Variants in ENPP2 observed in about 807,000 individuals in gnomAD.
The protein encoded by ENPP2 is autotaxin.
ENPP2 carries 51 observed loss-of-function variants against 120.2 expected under a neutral mutation model. The ratio of observed to expected loss-of-function variants is 0.42; its 90% CI spans 0.34 to 0.54. The LOEUF (loss-of-function observed/expected upper bound fraction) is 0.54, where lower values mean the gene tolerates loss of function less well. ENPP2 is among the 20% of genes least tolerant of loss of function. ENPP2 has a pLI of 0.04. For synonymous variants in ENPP2, 365 were observed against 366.4 expected (o/e 1.00, Z 0.04); for missense variants, 920 against 1,066.5 (o/e 0.86, Z 1.91).
intron 1 of ENPP2, among the ~76,000 whole-genome samples, chr8:119,646,331 G>A (rs983097450): frequency 6.6e-6 from 1 of 152,068 alleles, no homozygotes; most frequent in Non-Finnish European, 1.5e-5. Flanking sequence ...TCAAAGTATG[G>A]TCCCTGGATG....
chr8:119,579,128 A>T (rs960923460), intron 19 of ENPP2, among the ~76,000 whole-genome samples: 2 of 152,148 alleles, frequency 1.3e-5, no homozygotes, highest in Non-Finnish European at 2.9e-5. Context: ...CTTTAGTAAC[A>T]TGTATAGGAG....
chr8:119,594,948 T>C (rs552145010), intron 11 of ENPP2, among the ~76,000 whole-genome samples: 1 of 152,348 alleles, frequency 6.6e-6, no homozygotes, highest in Admixed American at 6.5e-5. Context: ...TTTGTTTTTT[T>C]CTTCATGACG....
At chr8:119,660,939 T>G (rs1180606723) in intron 1 of ENPP2, among the ~76,000 whole-genome samples, 3 of 152,120 alleles carry the variant, frequency 2.0e-5, no homozygotes, top group Non-Finnish European at 4.4e-5. Flanking sequence ...CAAGGAAATA[T>G]TCACAGAAAA....
At chr8:119,630,083 C>T (rs143172330) in intron 2 of ENPP2, among the ~76,000 whole-genome samples, 71 of 152,122 alleles carry the variant, frequency 4.7e-4, no homozygotes, top group African/African-American at 1.5e-3. Flanking sequence ...GCCTTGCTTT[C>T]CTTCATCATC....
At chr8:119,605,861 C>G (rs987063948) in intron 9 of ENPP2, among the ~76,000 whole-genome samples, 4 of 152,102 alleles carry the variant, frequency 2.6e-5, no homozygotes, top group Non-Finnish European at 5.9e-5. Context: ...AGCAGCCAAG[C>G]TGGGATGAGA....
At chr8:119,614,599 A>G (rs900964380) in intron 8 of ENPP2, among the ~76,000 whole-genome samples, 21 of 152,200 alleles carry the variant, frequency 1.4e-4, no homozygotes, top group Admixed American at 9.8e-4. Flanking sequence ...ATGTGGCCTC[A>G]TCTTCTTCTG....
At chr8:119,636,258 T>C (rs1816993904) in intron 2 of ENPP2, among the ~76,000 whole-genome samples, 1 of 152,224 alleles carries the variant, frequency 6.6e-6, no homozygotes, top group Non-Finnish European at 1.5e-5. Flanking sequence ...TCTAAGCATA[T>C]GCAGCATTTA....
At position 119,583,963 on chromosome 8, in the gene ENPP2, T is replaced by C. The variant is rs369132467; in HGVS notation, c.1454A>G (p.Gln485Arg). 47 of 1,610,458 alleles carry C rather than the reference T, an allele frequency of 2.9e-5. No individual in the cohort carries two copies. Among genetic ancestry groups the C allele is most frequent in the Non-Finnish European group, 2.4e-5 (28 of 1,176,778 alleles). Residue 485 changes from glutamine to arginine, a missense_variant and splice_region_variant, in exon 16 of 25, where the codon CAG becomes CGG. Coordinates refer to ENST00000075322, the MANE Select transcript of ENPP2 (RefSeq NM_001040092.3). ...CAATTCACAGTTCTGCCATCATACCTGCATGCTGTTGACCTTGTTATCAAA... is the reference window on the plus strand; with the variant it reads ...CAATTCACAGTTCTGCCATCATACCCGCATGCTGTTGACCTTGTTATCAAA... ...HGFDNKVNSMQTVFVGYGSTF... is the reference protein window; with the variant it reads ...HGFDNKVNSMRTVFVGYGSTF...
Position 119,562,838 on chromosome 8 carries a change from A to G in ENPP2, c.2421+19T>C. ...GAACTATGGAAGCAAATCCTAAAGG[A>G]CTCTCTCTGTAAACTCACATTGCAG... On this transcript the variant is annotated intron_variant, in intron 24 of 24. Transcript: ENST00000075322. The G allele has an allele frequency of 1.9e-6, 3 of 1,610,722 alleles. No homozygotes were observed. The highest frequency in any genetic ancestry group is 2.5e-6 in the Non-Finnish European group (3 of 1,178,116).
At chr8:119,603,696 T>C (rs906196935) in intron 9 of ENPP2, among the ~76,000 whole-genome samples, 1 of 152,220 alleles carries the variant, frequency 6.6e-6, no homozygotes, top group African/African-American at 2.4e-5. Context: ...TTAGCTTTTA[T>C]TGTTATATAC....
intron 18 of ENPP2, among the ~76,000 whole-genome samples, chr8:119,581,589 A>C (rs964813397): frequency 6.6e-6 from 1 of 152,068 alleles, no homozygotes; most frequent in Non-Finnish European, 1.5e-5. Context: ...TTGTCTCTCC[A>C]TGTTTTGGAA....
chr8:119,615,765 C>T (rs948621270), intron 8 of ENPP2, among the ~76,000 whole-genome samples: 3 of 152,104 alleles, frequency 2.0e-5, no homozygotes, highest in Admixed American at 2.0e-4. Flanking sequence ...GGGGAAGTCA[C>T]AGTCATACAC....
At chr8:119,668,296 C>T (rs1012496014) in intron 1 of ENPP2, among the ~76,000 whole-genome samples, 2 of 152,046 alleles carry the variant, frequency 1.3e-5, no homozygotes, top group Admixed American at 6.6e-5. Context: ...AATACAGTTG[C>T]TAATAAATTA....
intron 1 of ENPP2, chr8:119,673,201 AC>A: frequency 6.9e-7 from 1 of 1,443,992 alleles, no homozygotes. Flanking sequence ...GGCAGCTGTG[AC>A]CTGGGAGCCC....
At chr8:119,608,484 A>T (rs1334919539) in intron 8 of ENPP2, among the ~76,000 whole-genome samples, 1 of 152,146 alleles carries the variant, frequency 6.6e-6, no homozygotes, top group African/African-American at 2.4e-5. Context: ...TTTAATTTTG[A>T]TTTTTCCTAA....
chr8:119,590,644 G>GA lies in ENPP2; in HGVS notation c.1082-15dup, dbSNP rs774907990. 6.8e-7 allele frequency: 1 copy of GA among 1,467,640 alleles called. No individual in the cohort carries two copies. Among genetic ancestry groups the GA allele is most frequent in the East Asian group, 2.6e-5 (1 of 38,638 alleles). The allele number at this position is 1,467,640 out of a possible 1,614,324, so 90.9% of individuals were successfully genotyped here. The stretch of plus-strand genomic sequence containing the variant: ...CATCTTCCATTCCTATGGGGAGGGA[G>GA]AAAAAGAATATTTTCAGGCAAGACT... On this transcript the variant is annotated splice_polypyrimidine_tract_variant and intron_variant, in intron 12 of 24. Coordinates refer to ENST00000075322, the MANE Select transcript of ENPP2 (RefSeq NM_001040092.3).
intron 1 of ENPP2, among the ~76,000 whole-genome samples, chr8:119,649,500 T>G (rs1817568726): frequency 1.3e-5 from 2 of 152,174 alleles, no homozygotes; most frequent in African/African-American, 4.8e-5. Flanking sequence ...AAGTGAGATT[T>G]GCACACTAAC....
chr8:119,585,134 A>G (rs974126498), intron 15 of ENPP2, among the ~76,000 whole-genome samples: 2 of 152,162 alleles, frequency 1.3e-5, no homozygotes, highest in Admixed American at 1.3e-4. Context: ...CATACATAAA[A>G]GGTCCTTCAG....
intron 18 of ENPP2, among the ~76,000 whole-genome samples, chr8:119,582,091 C>G (rs1812788787): frequency 1.3e-5 from 2 of 152,184 alleles, no homozygotes; most frequent in African/African-American, 4.8e-5. Flanking sequence ...GGGACCATGA[C>G]TAATAGACAT....
Sources: gnomAD v4.1 joint callset for allele counts (sites outside exome capture counted in the v4.1 genomes callset) on GRCh38, gnomAD v4.1.1 for gene constraint, MANE v1.5 for transcripts, NCBI Gene and HGNC (gene_info 2026-07-23, HGNC 2026-07-21) for gene names.